The following RAPGEF5 variants were observed in gnomAD, a reference collection of about 807,000 sequenced individuals.
RAPGEF5 encodes the protein Rap guanine nucleotide exchange factor 5, also known as M-Ras-regulated GEF.
Under a neutral mutation model 125.2 loss-of-function variants are expected in RAPGEF5, and 65 were observed. The ratio of observed to expected loss-of-function variants is 0.52; its 90% CI spans 0.43 to 0.64. The LOEUF (loss-of-function observed/expected upper bound fraction) is 0.64, where lower values mean the gene tolerates loss of function less well. Among genes scored for constraint, RAPGEF5 ranks in the 30% least tolerant of loss-of-function variants. RAPGEF5 has a pLI of 0.00. For missense variants in RAPGEF5, 958 were observed against 1,048.1 expected (o/e 0.91, Z 1.19); for synonymous variants, 391 against 385.9 (o/e 1.01, Z -0.16).
intron 7 of RAPGEF5, among the ~76,000 whole-genome samples, chr7:22,239,273 C>T (rs1054076670): frequency 6.6e-6 from 1 of 152,148 alleles, no homozygotes. Flanking sequence ...TGCCTTCCCC[C>T]CAAATCCTCC....
Position 22,219,927 on chromosome 7 carries a change from A to G in RAPGEF5, c.935T>C (p.Leu312Pro). The change falls in exon 9 of 26, where the codon CTG (leucine) becomes CCG (proline). Residue 312 changes from leucine (L) to proline (P), a missense_variant. Transcript: ENST00000665637. Reference protein sequence around the residue: ...EIGRIELVQKLAKENYQFLQT... With the variant: ...EIGRIELVQKPAKENYQFLQT... ...CAAAAACTGATAGTTTTCTTTTGCC[A>G]GCTTCTGGACTAGTTCAATTCGTCC... is the stretch of plus-strand genomic sequence containing the variant. 6.2e-7 allele frequency: 1 copy of G among 1,613,506 alleles called. No homozygotes were observed.
rs1562714988 is a variant in RAPGEF5, at chr7:22,144,941, C to CATAAGG, written c.2186+102_2186+103insCCTTAT. ...TTTAGTCATTTAACTCCATATTACA[C>CATAAGG]GTTTATATCCCAACCCTTATCATCA... On this transcript the variant is annotated intron_variant, in intron 20 of 25. Transcript: ENST00000665637. The CATAAGG allele has an allele frequency of 5.3e-6, 7 of 1,319,356 alleles. No homozygotes were observed. In the African/African-American group the frequency reaches 7.4e-5, roughly 14 times the overall value. 81.7% of individuals were successfully genotyped at this position (1,319,356 alleles called of 1,614,324 possible). A position where few individuals can be genotyped will look rare whatever the true frequency, so the allele number is the denominator to read the frequency against.
chr7:22,143,139 C>A (rs943800129), intron 20 of RAPGEF5, among the ~76,000 whole-genome samples: 1 of 152,236 alleles, frequency 6.6e-6, no homozygotes, highest in South Asian at 2.1e-4. Context: ...GCTTTTTACC[C>A]AAAAGAGCCT....
chr7:22,253,875 T>C (rs111773279), intron 7 of RAPGEF5, among the ~76,000 whole-genome samples: 1,662 of 152,278 alleles, frequency 0.011, 40 homozygotes, highest in African/African-American at 0.037. Context: ...TAAAGTCTAA[T>C]ATGGTGCTAC....
chr7:22,288,423 TATC>T (rs1782848717), intron 6 of RAPGEF5, among the ~76,000 whole-genome samples: 1 of 151,796 alleles, frequency 6.6e-6, no homozygotes, highest in Admixed American at 6.6e-5. Context: ...TTCCTAAGAA[TATC>T]ATCATGTCCC....
In RAPGEF5 at chr7:22,230,996, A is replaced by G. The variant is rs1786042730; in HGVS notation, c.797-77T>C. Reference sequence around the variant, plus strand: ...TCAGATAATTTTCTTTCAGATCGCAATTTAGCGGGAAAAAATGTTAGATAG... The same window carrying G: ...TCAGATAATTTTCTTTCAGATCGCAGTTTAGCGGGAAAAAATGTTAGATAG... On this transcript the variant is annotated intron_variant, in intron 7 of 25. Coordinates refer to ENST00000665637, the MANE Select transcript of RAPGEF5 (RefSeq NM_012294.5). The G allele has an allele frequency of 6.0e-6, 8 of 1,331,114 alleles. No individual in the cohort carries two copies. In the South Asian group the frequency reaches 9.0e-5, roughly 15 times the overall value. 82.5% of individuals were successfully genotyped at this position (1,331,114 alleles called of 1,614,324 possible). A position where few individuals can be genotyped will look rare whatever the true frequency, so the allele number is the denominator to read the frequency against.
rs1045632813 is a variant in RAPGEF5 at position 22,160,024 on chromosome 7, G to A, written c.1526+494C>T. On this transcript the variant is annotated intron_variant, in intron 14 of 25. Coordinates refer to ENST00000665637, the MANE Select transcript of RAPGEF5 (RefSeq NM_012294.5). Reference sequence around the variant, plus strand: ...CTTAGGAGGCTGAGGCACGAAAATCGCTCGAACCCAGGAGGTGGAGGTTGC... The same window carrying A: ...CTTAGGAGGCTGAGGCACGAAAATCACTCGAACCCAGGAGGTGGAGGTTGC... Among the ~76,000 whole-genome samples, 11 of 152,130 alleles carry A rather than the reference G, an allele frequency of 7.2e-5. No individual in the cohort carries two copies. The South Asian group carries it at 8.3e-4, about 11-fold the overall frequency.
intron 7 of RAPGEF5, among the ~76,000 whole-genome samples, chr7:22,248,189 G>A (rs115749221): frequency 0.015 from 2,322 of 152,244 alleles, 57 homozygotes; most frequent in African/African-American, 0.053. Flanking sequence ...CTGTGCTAGA[G>A]TAGGCCCTAG....
intron 6 of RAPGEF5, among the ~76,000 whole-genome samples, chr7:22,272,368 G>GAAAAAAAAAAAA (rs1056327387): frequency 9.6e-6 from 1 of 104,352 alleles, no homozygotes; most frequent in Non-Finnish European, 2.2e-5. Flanking sequence ...AAAAAAGAAG[G>GAAAAAAAAAAAA]AAAAAAAAGA....
chr7:22,224,724 C>T (rs1785875785), intron 8 of RAPGEF5, among the ~76,000 whole-genome samples: 1 of 152,072 alleles, frequency 6.6e-6, no homozygotes, highest in Non-Finnish European at 1.5e-5. Flanking sequence ...GAGCCTGTTC[C>T]CTCCTTTCAC....
At chr7:22,135,343 T>C (rs958842153) in intron 23 of RAPGEF5, among the ~76,000 whole-genome samples, 9 of 152,212 alleles carry the variant, frequency 5.9e-5, no homozygotes, top group African/African-American at 1.9e-4. Flanking sequence ...GGTAAAGATT[T>C]ACACTGAATG....
In RAPGEF5 at chr7:22,134,053, G is replaced by A. The variant is rs531550820; in HGVS notation, c.2416+1985C>T. ...CAAAGTGGGAGGCACAAGAGAGGGG[G>A]AGACAAAGAGCTTTCATTAAAAACT... is the stretch of plus-strand genomic sequence containing the variant. On this transcript the variant is annotated intron_variant, in intron 23 of 25. Coordinates refer to ENST00000665637, the MANE Select transcript of RAPGEF5 (RefSeq NM_012294.5). Among the ~76,000 whole-genome samples, 7 of 152,260 alleles carry A rather than the reference G, an allele frequency of 4.6e-5. No individual in the cohort carries two copies. In the East Asian group the frequency reaches 1.3e-3, roughly 29 times the overall value.
rs1430032498 is a variant in RAPGEF5, at chr7:22,224,506, A to G, written c.871-4515T>C. ...GTTTAATACACTGTCCTGGCGGTGG[A>G]GGGAGGATGCTAATGACCCTCCAAA... On this transcript the variant is annotated intron_variant, in intron 8 of 25. Coordinates refer to ENST00000665637, the MANE Select transcript of RAPGEF5 (RefSeq NM_012294.5). 2.6e-5 allele frequency among the ~76,000 whole-genome samples: 4 copies of G among 152,106 alleles called. No individual in the cohort carries two copies. The East Asian group carries it at 7.7e-4, about 29-fold the overall frequency.
At chr7:22,159,219 C>T (rs1203547937) in intron 14 of RAPGEF5, among the ~76,000 whole-genome samples, 1 of 152,116 alleles carries the variant, frequency 6.6e-6, no homozygotes. Context: ...GGAAACATAA[C>T]ATAATGTAGA....
chr7:22,137,633 A>G, intron 21 of RAPGEF5, among the ~76,000 whole-genome samples: 1 of 152,176 alleles, frequency 6.6e-6, no homozygotes, highest in East Asian at 1.9e-4. Flanking sequence ...TTGACTTAGT[A>G]ATCTTTTGTG....
chr7:22,188,173 T>C (rs78723363), intron 11 of RAPGEF5, among the ~76,000 whole-genome samples: 2 of 152,210 alleles, frequency 1.3e-5, no homozygotes, highest in East Asian at 3.9e-4. Context: ...GCAAAAGCCA[T>C]GCTGCTACGG....
intron 6 of RAPGEF5, among the ~76,000 whole-genome samples, chr7:22,276,156 T>A (rs1182400030): frequency 1.3e-5 from 2 of 152,176 alleles, no homozygotes; most frequent in South Asian, 4.1e-4. Context: ...AATAATAAAA[T>A]AAAACGTTAT....
chr7:22,198,305 C>T (rs1354997713), intron 9 of RAPGEF5, among the ~76,000 whole-genome samples: 3 of 152,224 alleles, frequency 2.0e-5, no homozygotes, highest in Non-Finnish European at 4.4e-5. Context: ...CTGGCCTGCC[C>T]TGCTTTGCAT....
intron 1 of RAPGEF5, among the ~76,000 whole-genome samples, chr7:22,351,606 T>C (rs1262950139): frequency 3.4e-5 from 4 of 115,982 alleles, no homozygotes; most frequent in Non-Finnish European, 5.6e-5. Context: ...ATCTAACTCA[T>C]AGGCTCATAG....
Sources: gnomAD v4.1 joint callset for allele counts (sites outside exome capture counted in the v4.1 genomes callset) on GRCh38, gnomAD v4.1.1 for gene constraint, MANE v1.5 for transcripts, NCBI Gene and HGNC (gene_info 2026-07-23, HGNC 2026-07-21) for gene names.